ANKRD17: variants seen among roughly 807,000 people sequenced by gnomAD.
The protein encoded by ANKRD17 is ankyrin repeat domain 17.
A neutral mutation model predicts 229.7 loss-of-function variants in ANKRD17; 19 were observed. The observed-to-expected ratio is 0.08, with a 90% CI of 0.06 to 0.12. The LOEUF (loss-of-function observed/expected upper bound fraction) is 0.12. Among genes scored for constraint, ANKRD17 ranks in the 10% least tolerant of loss-of-function variants. The pLI is 1.00. For synonymous variants in ANKRD17, 1,112 were observed against 1,146.1 expected, an observed-to-expected ratio of 0.97 and a Z score of 0.60; for missense variants, 2,176 against 3,176.8, an observed-to-expected ratio of 0.68 and a Z score of 7.57.
At chr4:73,240,680 C>A (rs1243788372) in intron 1 of ANKRD17, among the ~76,000 whole-genome samples, 1 of 152,008 alleles carries the variant, frequency 6.6e-6, no homozygotes, top group Non-Finnish European at 1.5e-5. Flanking sequence ...TGGAAAACAT[C>A]TAAAATTCCT....
At chr4:73,257,253 G>A (rs1013386709) in intron 1 of ANKRD17, among the ~76,000 whole-genome samples, 2 of 152,194 alleles carry the variant, frequency 1.3e-5, no homozygotes, top group African/African-American at 4.8e-5. Context: ...CTAATAACTA[G>A]TAAAGCTAAC....
At chr4:73,157,749 C>T (rs560933099) in intron 3 of ANKRD17, among the ~76,000 whole-genome samples, 91 of 152,234 alleles carry the variant, frequency 6.0e-4, no homozygotes, top group Non-Finnish European at 1.0e-3. Flanking sequence ...TGCTCTCCTT[C>T]AGGCTCTTTT....
chr4:73,237,670 TCTAGAACC>T (rs1390806475), intron 1 of ANKRD17, among the ~76,000 whole-genome samples: 1 of 152,182 alleles, frequency 6.6e-6, no homozygotes, highest in African/African-American at 2.4e-5. Flanking sequence ...TTTCATTTTA[TCTAGAACC>T]CTAGTATTAT....
At position 73,098,306 on chromosome 4, in the gene ANKRD17, T is replaced by C. The variant is rs1723546365; in HGVS notation, c.4788A>G (p.Pro1596=). 1.2e-6 allele frequency: 2 copies of C among 1,614,130 alleles called. No homozygotes were observed. The highest frequency in any genetic ancestry group is 1.1e-5 in the South Asian group (1 of 91,092). ...TCTTGGACTCTCCATTCACCTTCTC[T>C]GGCTGACTGTATGAAATTGGTAGTG... The part of the protein sequence containing the change: ...DDPLPISYSQ[P]EKVNGESKSS... The change falls in exon 26 of 34, where the codon CCA becomes CCG. Residue 1596 remains proline (P), a synonymous_variant. Coordinates refer to ENST00000358602, the MANE Select transcript of ANKRD17 (RefSeq NM_032217.5).
chr4:73,151,367 T>C, intron 7 of ANKRD17, 63 bp downstream of exon 7: 7 of 1,462,266 alleles, frequency 4.8e-6, no homozygotes, highest in Non-Finnish European at 6.6e-6. Context: ...GCATTCATTG[T>C]ATACTACTCT....
intron 27 of ANKRD17, among the ~76,000 whole-genome samples, chr4:73,095,967 G>C (rs1723255524): frequency 1.3e-5 from 2 of 152,084 alleles, no homozygotes; most frequent in Non-Finnish European, 2.9e-5. Flanking sequence ...TGGGATTATA[G>C]ACATGAGCCA....
At position 73,092,082 on chromosome 4, in the gene ANKRD17, G is replaced by C; in HGVS notation, c.5546C>G (p.Ala1849Gly). ...TVALSSTSQT[A>G]TALTVPAISS... Reference sequence around the variant, plus strand: ...AATTGCAGGCACAGTGAGTGCTGTGGCAGTTTGAGATGTTGATGACAGAGC... The same window carrying C: ...AATTGCAGGCACAGTGAGTGCTGTGCCAGTTTGAGATGTTGATGACAGAGC... The change falls in exon 29 of 34, where the codon GCC becomes GGC. Residue 1849 changes from alanine to glycine, a missense_variant. By Grantham distance (60) the Ala-to-Gly change is moderately conservative. Coordinates refer to ENST00000358602, the MANE Select transcript of ANKRD17 (RefSeq NM_032217.5). The C allele has an allele frequency of 6.2e-7, 1 of 1,614,222 alleles. No individual in the cohort carries two copies. The highest frequency in any genetic ancestry group is 8.5e-7 in the Non-Finnish European group (1 of 1,180,038).
At chr4:73,198,995 C>T (rs963241401) in intron 1 of ANKRD17, among the ~76,000 whole-genome samples, 2 of 152,128 alleles carry the variant, frequency 1.3e-5, no homozygotes, top group Non-Finnish European at 2.9e-5. Context: ...TCTTTGGGAA[C>T]AAATTCAAGA....
chr4:73,230,576 A>T (rs185209351), intron 1 of ANKRD17, among the ~76,000 whole-genome samples: 2 of 152,112 alleles, frequency 1.3e-5, no homozygotes, highest in East Asian at 1.9e-4. Context: ...AACTTCAATG[A>T]TTTTTTTCTC....
At chr4:73,229,848 G>A (rs916899455) in intron 1 of ANKRD17, among the ~76,000 whole-genome samples, 9 of 151,968 alleles carry the variant, frequency 5.9e-5, no homozygotes, top group African/African-American at 1.9e-4. Flanking sequence ...GGAAATATTT[G>A]GGTATATTCT....
At position 73,161,339 on chromosome 4, in the gene ANKRD17, T is replaced by C. The variant is rs1465772875; in HGVS notation, c.557A>G (p.Lys186Arg). ...GGCTTTACCATCAGCCGTGGACAAT[T>C]TTCCTATTCCTATTATATTATTTTC... The part of the protein sequence containing the change: ...EALLEAAGIG[K>R]LSTADGKAFA... The change falls in exon 3 of 34, where the codon AAA (lysine) becomes AGA (arginine). Residue 186 changes from lysine (K) to arginine (R), a missense_variant. By Grantham distance (26) the Lys-to-Arg change is conservative. Coordinates refer to ENST00000358602, the MANE Select transcript of ANKRD17 (RefSeq NM_032217.5). 6.2e-7 allele frequency: 1 copy of C among 1,613,836 alleles called. No homozygotes were observed. The highest frequency in any genetic ancestry group is 8.5e-7 in the Non-Finnish European group (1 of 1,179,978).
chr4:73,076,432 T>TCTATTATTTTCC, intron 33 of ANKRD17, 142 bp from the exon 34 acceptor site: 1 of 530,988 alleles, frequency 1.9e-6, no homozygotes, highest in Non-Finnish European at 3.0e-6. Context: ...AAACCTTTTT[T>TCTATTATTTTCC]CTATTATTTT....
In ANKRD17 at chr4:73,147,221, C is replaced by G; in HGVS notation, c.1759+20G>C. 1.3e-6 allele frequency: 2 copies of G among 1,511,424 alleles called. No individual in the cohort carries two copies. Among genetic ancestry groups the G allele is most frequent in the Non-Finnish European group, 1.8e-6 (2 of 1,129,420 alleles). 93.6% of individuals were successfully genotyped at this position (1,511,424 alleles called of 1,614,324 possible). A position where few individuals can be genotyped will look rare whatever the true frequency, so the allele number is the denominator to read the frequency against. ...AAACAAATCATGTAAAAAACTTCTC[C>G]CAAATGCAAAAATGCCTACCTGCAG... On this transcript the variant is annotated intron_variant, in intron 9 of 33. Coordinates refer to ENST00000358602, the MANE Select transcript of ANKRD17 (RefSeq NM_032217.5).
intron 15 of ANKRD17, among the ~76,000 whole-genome samples, chr4:73,139,047 GTT>G (rs71215490): frequency 1.4e-4 from 21 of 148,366 alleles, no homozygotes; most frequent in South Asian, 8.6e-4. Flanking sequence ...TTGTAAAAGT[GTT>G]TTTTTTTTTA....
intron 16 of ANKRD17, among the ~76,000 whole-genome samples, chr4:73,131,525 G>A (rs1728196855): frequency 6.6e-6 from 1 of 152,118 alleles, no homozygotes; most frequent in African/African-American, 2.4e-5. Flanking sequence ...TTACCATCTA[G>A]GCAGTGGACA....
intron 2 of ANKRD17, among the ~76,000 whole-genome samples, chr4:73,171,077 G>C (rs1402561613): frequency 6.6e-6 from 1 of 151,988 alleles, no homozygotes; most frequent in African/African-American, 2.4e-5. Context: ...GTGAGACCCA[G>C]TGCTCTGCTG....
rs375151226 is a variant in ANKRD17, at chr4:73,091,720, T to C, written c.5908A>G (p.Thr1970Ala). 74 of 1,614,066 alleles carry C rather than the reference T, an allele frequency of 4.6e-5. No homozygotes were observed. Among genetic ancestry groups the C allele is most frequent in the Non-Finnish European group, 5.8e-5 (69 of 1,180,034 alleles). The change falls in exon 29 of 34, where the codon ACA becomes GCA. Residue 1970 changes from threonine (T) to alanine (A), a missense_variant. Physicochemically the swap from Thr to Ala is moderately conservative, Grantham distance 58. This residue lies in a region of ANKRD17 where 424 missense variants were observed against 454.0 expected (regional missense o/e 0.93). Transcript: ENST00000358602. ...GAAGCTGATGAACTGGTTGTAGTTG[T>C]TGGGCTTGAAGTTAAAGAACCTGCT... ...NSAGSLTSSP[T>A]TTTSSSASTV...
chr4:73,084,599 C>A (rs1721924646), intron 30 of ANKRD17, among the ~76,000 whole-genome samples: 2 of 151,976 alleles, frequency 1.3e-5, no homozygotes, highest in Non-Finnish European at 2.9e-5. Context: ...CAGGTGCACA[C>A]CACAACGCCT....
chr4:73,214,085 G>A (rs987283496), intron 1 of ANKRD17, among the ~76,000 whole-genome samples: 1 of 152,048 alleles, frequency 6.6e-6, no homozygotes, highest in African/African-American at 2.4e-5. Flanking sequence ...TCAAACTCCT[G>A]ACTTCCTGAA....
Sources: gnomAD v4.1 joint callset for allele counts (sites outside exome capture counted in the v4.1 genomes callset) on GRCh38, gnomAD v4.1.1 for gene constraint, gnomAD v4.1.1 regional missense constraint, MANE v1.5 for transcripts, NCBI Gene and HGNC (gene_info 2026-07-23, HGNC 2026-07-21) for gene names.